Variants in NATD1 observed in about 807,000 individuals in gnomAD.
NATD1 encodes N-acetyltransferase domain containing 1.
A neutral mutation model predicts 12.0 loss-of-function variants in NATD1; 9 were observed. The ratio of observed to expected loss-of-function variants is 0.75; its 90% confidence interval spans 0.45 to 1.30. The LOEUF (loss-of-function observed/expected upper bound fraction) is 1.30, where lower values mean the gene tolerates loss of function less well. Among genes scored for constraint, NATD1 ranks in the 50% most tolerant of loss-of-function variants. The pLI is 0.00. For missense variants in NATD1, 148 were observed against 148.5 expected, an observed-to-expected ratio of 1.00 and a Z score of 0.02; for synonymous variants, 71 against 65.9, an observed-to-expected ratio of 1.08 and a Z score of -0.37.
Position 21,244,289 on chromosome 17 carries a change from C to G in NATD1, c.107-65G>C. ...ATCCCAGCGGACTCAGGCACCAAGACGGGTGGAGGGACAGGCATTTGGAGT... is the reference window on the plus strand; with the variant it reads ...ATCCCAGCGGACTCAGGCACCAAGAGGGGTGGAGGGACAGGCATTTGGAGT... On this transcript the variant is annotated intron_variant, in intron 1 of 2. Coordinates refer to ENST00000611551, the MANE Select transcript of NATD1 (RefSeq NM_152914.3). The surrounding 1 kb of genome is among the most constrained non-coding windows in gnomAD (Gnocchi z 5.2). The G allele has an allele frequency of 1.3e-5, 18 of 1,425,424 alleles. No homozygotes were observed. The highest frequency in any genetic ancestry group is 1.7e-5 in the Non-Finnish European group (18 of 1,033,368). 88.3% of individuals were successfully genotyped at this position (1,425,424 alleles called of 1,614,324 possible).
In NATD1 at chr17:21,253,229, CGCGCCCAGCGGCACGGCGGCAGCCGAGT is replaced by C; in HGVS notation, c.8_35del (p.His3ArgfsTer75). Reference sequence around the variant, plus strand: ...CGCGGATGGGGCAGCCCTGCTCCAGCGCGCCCAGCGGCACGGCGGCAGCCGAGTGCGCCATCTGCGCGCGGGGCTGCGG... The same window carrying C: ...CGCGGATGGGGCAGCCCTGCTCCAGCGCGCCATCTGCGCGCGGGGCTGCGG... On this transcript the variant is annotated frameshift_variant, in exon 1 of 3. Coordinates refer to ENST00000611551, the MANE Select transcript of NATD1 (RefSeq NM_152914.3). LOFTEE classifies it high-confidence loss of function. The C allele has an allele frequency of 2.0e-6, 2 of 1,002,286 alleles. No homozygotes were observed. Among genetic ancestry groups the C allele is most frequent in the African/African-American group, 1.7e-5 (1 of 57,164 alleles). 62.1% of individuals were successfully genotyped at this position (1,002,286 alleles called of 1,614,324 possible).
Position 21,244,042 on chromosome 17 carries a change from C to T in NATD1, c.225+64G>A, listed in dbSNP as rs1393411197. On this transcript the variant is annotated intron_variant, in intron 2 of 2. Transcript: ENST00000611551. This position sits in a 1 kb window ranked among gnomAD's most constrained non-coding sequence, Gnocchi z 5.2. ...GTGGCCACCAGGGCCACCGTCTCCTCGGAGCGAAGGTGGCAGCCCCCATGT... is the reference window on the plus strand; with the variant it reads ...GTGGCCACCAGGGCCACCGTCTCCTTGGAGCGAAGGTGGCAGCCCCCATGT... 7.6e-6 allele frequency: 11 copies of T among 1,451,020 alleles called. No homozygotes were observed. Among genetic ancestry groups the T allele is most frequent in the South Asian group, 1.3e-5 (1 of 78,020 alleles). 89.9% of individuals were successfully genotyped at this position (1,451,020 alleles called of 1,614,324 possible).
At position 21,244,679 on chromosome 17, in the gene NATD1, C is replaced by A. The variant is rs866335635; in HGVS notation, c.107-455G>T. On this transcript the variant is annotated intron_variant, in intron 1 of 2. Transcript: ENST00000611551. This position sits in a 1 kb window ranked among gnomAD's most constrained non-coding sequence, Gnocchi z 5.2. ...ATTAGAGAGGCAGCGCTGCGCCACGCATCAGGACCACCTGCTGGACCCTGA... is the reference window on the plus strand; with the variant it reads ...ATTAGAGAGGCAGCGCTGCGCCACGAATCAGGACCACCTGCTGGACCCTGA... Among the ~76,000 whole-genome samples, 1 of 152,202 alleles carries A rather than the reference C, an allele frequency of 6.6e-6. No individual in the cohort carries two copies. Among genetic ancestry groups the A allele is most frequent in the South Asian group, 2.1e-4 (1 of 4,836 alleles).
In NATD1 at chr17:21,253,048, G is replaced by C. The variant is rs1047201133; in HGVS notation, c.106+111C>G. The C allele has an allele frequency of 5.3e-5, 25 of 471,866 alleles. No homozygotes were observed. The Admixed American group carries it at 8.4e-4, about 16-fold the overall frequency. The allele number at this position is 471,866 out of a possible 1,614,324, so 29.2% of individuals were successfully genotyped here. ...TTGCAACAGCCTTCCCGGGCGGCGG[G>C]CCGGAGCCGGGCCGCGGGCGCGCGG... On this transcript the variant is annotated intron_variant, in intron 1 of 2. Transcript: ENST00000611551.
chr17:21,252,676 G>A (rs1198857300), intron 1 of NATD1, among the ~76,000 whole-genome samples: 1 of 151,996 alleles, frequency 6.6e-6, no homozygotes, highest in Non-Finnish European at 1.5e-5. Context: ...AGATTCCCAG[G>A]GGCAGCAGGA....
At position 21,243,108 on chromosome 17, in the gene NATD1, G is replaced by C; in HGVS notation, c.*205C>G. 1.9e-6 allele frequency: 1 copy of C among 533,426 alleles called. No homozygotes were observed. The highest frequency in any genetic ancestry group is 3.4e-6 in the Non-Finnish European group (1 of 295,798). 33.0% of individuals were successfully genotyped at this position (533,426 alleles called of 1,614,324 possible). On this transcript the variant is annotated 3_prime_UTR_variant, in exon 3 of 3. Coordinates refer to ENST00000611551, the MANE Select transcript of NATD1 (RefSeq NM_152914.3). Reference sequence around the variant, plus strand: ...GAGTGAGAGGTGCCGGGACTACCTGGCCTCCTTGCCGCCTCGGTTACCGGG... The same window carrying C: ...GAGTGAGAGGTGCCGGGACTACCTGCCCTCCTTGCCGCCTCGGTTACCGGG...
intron 1 of NATD1, among the ~76,000 whole-genome samples, chr17:21,247,978 A>ACT (rs2144364678): frequency 6.6e-6 from 1 of 152,224 alleles, no homozygotes; most frequent in Non-Finnish European, 1.5e-5. Flanking sequence ...TATGGAGTTG[A>ACT]CTGGGGATAG....
In NATD1 at chr17:21,253,238, C is replaced by G. The variant is rs1260918408; in HGVS notation, c.27G>C (p.Pro9=). Reference sequence around the variant, plus strand: ...GGCAGCCCTGCTCCAGCGCGCCCAGCGGCACGGCGGCAGCCGAGTGCGCCA... The same window carrying G: ...GGCAGCCCTGCTCCAGCGCGCCCAGGGGCACGGCGGCAGCCGAGTGCGCCA... MAHSAAAV[P]LGALEQGCPI... is the part of the protein sequence containing the mutation. Residue 9 remains proline (P), a synonymous_variant, in exon 1 of 3, where the codon CCG becomes CCC. Transcript: ENST00000611551. 4.0e-6 allele frequency: 4 copies of G among 999,160 alleles called. No homozygotes were observed. The highest frequency in any genetic ancestry group is 2.4e-6 in the Non-Finnish European group (2 of 840,490). 61.9% of individuals were successfully genotyped at this position (999,160 alleles called of 1,614,324 possible).
chr17:21,239,037 T>A lies in NATD1; in HGVS notation c.*4276A>T, dbSNP rs1393521046. The A allele has an allele frequency of 6.6e-6, 1 of 151,916 alleles. No homozygotes were observed. The highest frequency in any genetic ancestry group is 1.5e-5 in the Non-Finnish European group (1 of 67,954). 9.4% of individuals were successfully genotyped at this position (151,916 alleles called of 1,614,324 possible). ...TTTAGGGCATTGGATCTGGAAGGAG[T>A]GGGACCCTGAGAATCGTAAAGGGAT... On this transcript the variant is annotated 3_prime_UTR_variant, in exon 3 of 3. Coordinates refer to ENST00000611551, the MANE Select transcript of NATD1 (RefSeq NM_152914.3).
chr17:21,252,194 A>C (rs1238630144), intron 1 of NATD1, among the ~76,000 whole-genome samples: 1 of 151,824 alleles, frequency 6.6e-6, no homozygotes, highest in Non-Finnish European at 1.5e-5. Flanking sequence ...AATCCCACCT[A>C]CTCCTGAGGC....
Position 21,244,217 on chromosome 17 carries a change from A to C in NATD1, c.114T>G (p.His38Gln), listed in dbSNP as rs552233492. ...RQFTVRLNGC[H>Q]DRAVLLYEYV... ...ACTCATAGAGCAGGACGGCCCGGTC[A>C]TGACATCCTGGGGGTTGTGGAGACA... Residue 38 changes from histidine to glutamine, a missense_variant, in exon 2 of 3, where the codon CAT (histidine) becomes CAG (glutamine). His to Gln is a conservative substitution (Grantham distance 24). Transcript: ENST00000611551. The surrounding 1 kb of genome is among the most constrained non-coding windows in gnomAD (Gnocchi z 5.2). 5.6e-6 allele frequency: 9 copies of C among 1,611,564 alleles called. No individual in the cohort carries two copies. In the East Asian group the frequency reaches 2.0e-4, roughly 36 times the overall value.
intron 1 of NATD1, among the ~76,000 whole-genome samples, chr17:21,252,643 G>C (rs1298347762): frequency 6.6e-6 from 1 of 151,902 alleles, no homozygotes. Context: ...AGGTCCGCAG[G>C]CCTCCCCCGT....
In NATD1 at chr17:21,240,237, G is replaced by C. The variant is rs558485498; in HGVS notation, c.*3076C>G. On this transcript the variant is annotated 3_prime_UTR_variant, in exon 3 of 3. Transcript: ENST00000611551. ...GTAGAGCCGCCCAGACTGGGGTCTG[G>C]GTTCCTGAAGTCACTGTTATCCTGC... 1 of 152,288 alleles carries C rather than the reference G, an allele frequency of 6.6e-6. No individual in the cohort carries two copies. Among genetic ancestry groups the C allele is most frequent in the African/African-American group, 2.4e-5 (1 of 41,456 alleles). The allele number at this position is 152,288 out of a possible 1,614,324, so 9.4% of individuals were successfully genotyped here. A position where few individuals can be genotyped will look rare whatever the true frequency, so the allele number is the denominator to read the frequency against.
chr17:21,249,093 A>G (rs868291176), intron 1 of NATD1, among the ~76,000 whole-genome samples: 9 of 152,084 alleles, frequency 5.9e-5, no homozygotes, highest in African/African-American at 2.2e-4. Flanking sequence ...ACAGAGAAAG[A>G]CCAAAGCTTG....
intron 1 of NATD1, among the ~76,000 whole-genome samples, chr17:21,252,394 C>T (rs1404033142): frequency 6.6e-6 from 1 of 152,238 alleles, no homozygotes; most frequent in East Asian, 1.9e-4. Context: ...CGTTTACCAG[C>T]ACTTACTAAT....
In NATD1 at chr17:21,253,314, G is replaced by C; in HGVS notation, c.-50C>G. 1.2e-6 allele frequency: 1 copy of C among 832,920 alleles called. No homozygotes were observed. The highest frequency in any genetic ancestry group is 5.2e-5 in the South Asian group (1 of 19,048). The allele number at this position is 832,920 out of a possible 1,614,324, so 51.6% of individuals were successfully genotyped here. On this transcript the variant is annotated 5_prime_UTR_variant, in exon 1 of 3. Transcript: ENST00000611551. The stretch of plus-strand genomic sequence containing the variant: ...GCCGGCGGGGGCCGGGGCGCGCGGG[G>C]AAAGGTCAGGCGCGCGGCGGGGCTG...
intron 2 of NATD1, 126 bp from the exon 3 acceptor site, chr17:21,243,555 C>T: frequency 1.5e-6 from 1 of 677,128 alleles, no homozygotes; most frequent in Non-Finnish European, 2.5e-6. Flanking sequence ...CAGTAACTCC[C>T]TTGAGTTTCA....
chr17:21,243,521 G>A (rs1018080520), intron 2 of NATD1, 92 bp from the exon 3 acceptor site: 1 of 961,466 alleles, frequency 1.0e-6, no homozygotes, highest in Non-Finnish European at 1.6e-6. Context: ...CGGCTCCCTG[G>A]CCACCCTTCC....
chr17:21,251,899 G>A (rs111300310), intron 1 of NATD1, among the ~76,000 whole-genome samples: 7 of 152,184 alleles, frequency 4.6e-5, no homozygotes, highest in Admixed American at 3.9e-4. Context: ...CCTAAGGACC[G>A]GTCCAGCTTG....
Sources: allele counts gnomAD v4.1 joint callset (sites outside exome capture counted in the v4.1 genomes callset), GRCh38; gene constraint gnomAD v4.1.1; non-coding constraint Gnocchi (gnomAD v3.1); transcripts MANE v1.5; gene names NCBI Gene and HGNC (gene_info 2026-07-23, HGNC 2026-07-21).